DDAH1: variants seen among roughly 807,000 people sequenced by gnomAD.
The protein encoded by DDAH1 is dimethylarginine dimethylaminohydrolase 1.
In DDAH1, 19 loss-of-function variants were observed where a neutral mutation model predicts 28.8. The observed-to-expected ratio is 0.66, with a 90% CI of 0.46 to 0.97. The LOEUF (loss-of-function observed/expected upper bound fraction) is 0.97. Ranked by LOEUF, DDAH1 falls within the 50% of genes least tolerant of loss-of-function variation. The pLI is 0.00. For synonymous variants in DDAH1, 153 were observed against 154.4 expected (o/e 0.99, Z 0.07); for missense variants, 326 against 375.9 (o/e 0.87, Z 1.10).
chr1:85,575,570 C>T (rs560072671), intron 1 of DDAH1, among the ~76,000 whole-genome samples: 30 of 152,320 alleles, frequency 2.0e-4, no homozygotes, highest in East Asian at 1.2e-3. Flanking sequence ...CAGTACATTA[C>T]GCAATTCTCA....
intron 1 of DDAH1, among the ~76,000 whole-genome samples, chr1:85,575,458 AC>A: frequency 6.6e-6 from 1 of 152,220 alleles, no homozygotes; most frequent in East Asian, 1.9e-4. Context: ...CATCTTCCCC[AC>A]CAGCCTGCCA....
At chr1:85,385,328 G>A (rs936660436) in intron 1 of DDAH1, among the ~76,000 whole-genome samples, 3 of 152,180 alleles carry the variant, frequency 2.0e-5, no homozygotes, top group Admixed American at 2.0e-4. Flanking sequence ...CTGAAGGCTG[G>A]TGAAGAAGAC....
upstream of DDAH1, among the ~76,000 whole-genome samples, chr1:85,465,824 T>G (rs1655360450): frequency 6.6e-6 from 1 of 152,096 alleles, no homozygotes; most frequent in Non-Finnish European, 1.5e-5. Context: ...TAACTAGTGA[T>G]TTGGTTTCCA....
upstream of DDAH1, among the ~76,000 whole-genome samples, chr1:85,466,854 T>TTTTTTTTTTA (rs1655403735): frequency 7.8e-6 from 1 of 128,676 alleles, no homozygotes; most frequent in Non-Finnish European, 1.7e-5. Context: ...TTTTTTTTTT[T>TTTTTTTTTTA]GAGATGGAGT....
intron 1 of DDAH1, among the ~76,000 whole-genome samples, chr1:85,363,918 T>G (rs1649920674): frequency 6.6e-6 from 1 of 151,920 alleles, no homozygotes; most frequent in Admixed American, 6.6e-5. Context: ...TTTTTTTTTT[T>G]TTTTTTCAAA....
chr1:85,506,764 T>C (rs913915810), intron 1 of DDAH1, among the ~76,000 whole-genome samples: 1 of 152,204 alleles, frequency 6.6e-6, no homozygotes, highest in Non-Finnish European at 1.5e-5. Flanking sequence ...AGGAAGGGAA[T>C]GACTACTGAT....
At chr1:85,328,840 G>A (rs759147233) in intron 4 of DDAH1, among the ~76,000 whole-genome samples, 1 of 152,204 alleles carries the variant, frequency 6.6e-6, no homozygotes, top group Non-Finnish European at 1.5e-5. Context: ...TGGGAAAACT[G>A]TGTGTGGCAT....
chr1:85,344,911 G>A (rs1170051495), intron 4 of DDAH1, among the ~76,000 whole-genome samples: 4 of 152,118 alleles, frequency 2.6e-5, no homozygotes, highest in African/African-American at 9.7e-5. Context: ...CAGTCATCAT[G>A]TAGAATGGTA....
chr1:85,497,741 C>G (rs1656650316), intron 1 of DDAH1, among the ~76,000 whole-genome samples: 1 of 152,106 alleles, frequency 6.6e-6, no homozygotes, highest in African/African-American at 2.4e-5. Flanking sequence ...AATCTGTTCT[C>G]TACATAAAAA....
chr1:85,539,690 C>T (rs1379307657), intron 1 of DDAH1, among the ~76,000 whole-genome samples: 1 of 151,644 alleles, frequency 6.6e-6, no homozygotes, highest in Non-Finnish European at 1.5e-5. Context: ...TTCTCCCCCT[C>T]AATTACCCCT....
At chr1:85,573,720 T>C (rs574874286) in intron 1 of DDAH1, among the ~76,000 whole-genome samples, 2 of 152,360 alleles carry the variant, frequency 1.3e-5, no homozygotes, top group South Asian at 4.1e-4. Flanking sequence ...GACAGAGTAG[T>C]GGCTGGAGAG....
chr1:85,437,498 C>T (rs1242690953), intron 1 of DDAH1, among the ~76,000 whole-genome samples: 1 of 152,168 alleles, frequency 6.6e-6, no homozygotes, highest in Non-Finnish European at 1.5e-5. Flanking sequence ...TGATAATCCA[C>T]TTCCACTTAA....
intron 1 of DDAH1, among the ~76,000 whole-genome samples, chr1:85,389,988 G>T (rs1474701115): frequency 6.6e-6 from 1 of 152,200 alleles, no homozygotes; most frequent in East Asian, 1.9e-4. Context: ...ACGAAAAACA[G>T]AAGCATCTTT....
intron 1 of DDAH1, among the ~76,000 whole-genome samples, chr1:85,504,511 A>G (rs1248217814): frequency 6.6e-6 from 1 of 152,212 alleles, no homozygotes; most frequent in African/African-American, 2.4e-5. Context: ...TCAGATTTTG[A>G]ATCACAGTAG....
chr1:85,518,529 T>G (rs1465156729), intron 1 of DDAH1, among the ~76,000 whole-genome samples: 1 of 151,926 alleles, frequency 6.6e-6, no homozygotes, highest in East Asian at 1.9e-4. Flanking sequence ...TGTCGACCTC[T>G]CAAAAACAGC....
upstream of DDAH1, among the ~76,000 whole-genome samples, chr1:85,467,885 GACA>G (rs1655440575): frequency 6.6e-6 from 1 of 152,190 alleles, no homozygotes. Context: ...AGGAGAACAA[GACA>G]TCCAGAATTG....
At chr1:85,451,535 TG>T (rs1654669873) in intron 1 of DDAH1, among the ~76,000 whole-genome samples, 1 of 152,182 alleles carries the variant, frequency 6.6e-6, no homozygotes, top group African/African-American at 2.4e-5. Flanking sequence ...TAATAAGCAC[TG>T]GAACCACAAT....
intron 1 of DDAH1, among the ~76,000 whole-genome samples, chr1:85,552,283 C>G (rs1658817548): frequency 6.6e-6 from 1 of 152,172 alleles, no homozygotes; most frequent in Non-Finnish European, 1.5e-5. Flanking sequence ...TCTCACTTCT[C>G]CAGTGCATCT....
chr1:85,414,309 A>T (rs1201777888), intron 1 of DDAH1, among the ~76,000 whole-genome samples: 1 of 152,238 alleles, frequency 6.6e-6, no homozygotes, highest in African/African-American at 2.4e-5. Flanking sequence ...AAGAAAAAGA[A>T]GGAAATTGGA....
Sources: allele counts gnomAD v4.1 joint callset (sites outside exome capture counted in the v4.1 genomes callset), GRCh38; gene constraint gnomAD v4.1.1; transcripts MANE v1.5; gene names NCBI Gene and HGNC (gene_info 2026-07-23, HGNC 2026-07-21).